The following FTCD variants were observed in gnomAD, a reference collection of about 807,000 sequenced individuals.
The protein encoded by FTCD is formimidoyltransferase cyclodeaminase, also known as formimidoyltransferase-cyclodeaminase.
FTCD carries 76 observed loss-of-function variants against 62.9 expected under a neutral mutation model. That is an observed-to-expected ratio of 1.21 (90% CI 1.00 to 1.46). The LOEUF is 1.46. Among genes scored for constraint, FTCD ranks in the 40% most tolerant of loss-of-function variants. The pLI is 0.00. For missense variants in FTCD, 845 were observed against 751.3 expected, an observed-to-expected ratio of 1.12 and a Z score of -1.46; for synonymous variants, 397 against 336.9, an observed-to-expected ratio of 1.18 and a Z score of -1.95.
Position 46,137,264 on chromosome 21 carries a change from A to G in FTCD, c.1514T>C (p.Ile505Thr), listed in dbSNP as rs747334070. The G allele has an allele frequency of 3.1e-6, 5 of 1,613,462 alleles. No homozygotes were observed. Among genetic ancestry groups the G allele is most frequent in the Non-Finnish European group, 4.2e-6 (5 of 1,179,662 alleles). Residue 505 changes from isoleucine (I) to threonine (T), a missense_variant, in exon 13 of 14, where the codon ATC becomes ACC. Physicochemically the swap from Ile to Thr is moderately conservative, Grantham distance 89 (BLOSUM62 -1). Coordinates refer to ENST00000397746, the MANE Select transcript of FTCD (RefSeq NM_206965.2). ...YFNVLINLRD[I>T]TDEAFKDQIH... ...CTGGTCCTTAAATGCCTCGTCTGTGATGTCCCTCAGGTTGATGAGCACGTT... is the reference window on the plus strand; with the variant it reads ...CTGGTCCTTAAATGCCTCGTCTGTGGTGTCCCTCAGGTTGATGAGCACGTT...
intron 5 of FTCD, 113 bp downstream of exon 5, chr21:46,151,445 A>T (rs1173498180): frequency 1.0e-6 from 1 of 974,500 alleles, no homozygotes; most frequent in African/African-American, 1.8e-5. Flanking sequence ...GGGAGGCCGA[A>T]CCCTGTCCGG....
rs370453422 is a variant in FTCD, at chr21:46,154,245, C to T, written c.142G>A (p.Val48Met). The T allele has an allele frequency of 1.4e-5, 22 of 1,612,788 alleles. No homozygotes were observed. Among genetic ancestry groups the T allele is most frequent in the Admixed American group, 6.7e-5 (4 of 60,020 alleles). ...VDAGPSTNRT[V>M]YTFVGPPECV... ...TCCGGCGGCCCCACGAAGGTGTACACGGTGCGGTTGGTGGAAGGGCCTGCG... is the reference window on the plus strand; with the variant it reads ...TCCGGCGGCCCCACGAAGGTGTACATGGTGCGGTTGGTGGAAGGGCCTGCG... Residue 48 changes from valine to methionine, a missense_variant, in exon 2 of 14, where the codon GTG becomes ATG. Coordinates refer to ENST00000397746, the MANE Select transcript of FTCD (RefSeq NM_206965.2).
intron 2 of FTCD, 22 bp downstream of exon 2, chr21:46,154,127 C>T (rs1262161582): frequency 6.2e-7 from 1 of 1,611,182 alleles, no homozygotes; most frequent in Admixed American, 1.7e-5. Flanking sequence ...ACGGCAGCCA[C>T]AGGAGAGCCC....
At chr21:46,154,938 G>A (rs1274420691) in intron 1 of FTCD, among the ~76,000 whole-genome samples, 1 of 152,264 alleles carries the variant, frequency 6.6e-6, no homozygotes, top group Non-Finnish European at 1.5e-5. Context: ...TCCCGGAGGA[G>A]CCTGGACCTC....
Position 46,150,256 on chromosome 21 carries a change from AAGG to A in FTCD, c.775-9_775-7del. The A allele has an allele frequency of 6.2e-7, 1 of 1,609,462 alleles. No individual in the cohort carries two copies. Among genetic ancestry groups the A allele is most frequent in the East Asian group, 2.2e-5 (1 of 44,796 alleles). On this transcript the variant is annotated splice_polypyrimidine_tract_variant and splice_region_variant and intron_variant, in intron 6 of 13. Coordinates refer to ENST00000397746, the MANE Select transcript of FTCD (RefSeq NM_206965.2). ...ACCACTGGGAGGCTCAGCTCCTGCCAAGGCACAGGCAGCGTCACCCCCTGGGGG... is the reference window on the plus strand; with the variant it reads ...ACCACTGGGAGGCTCAGCTCCTGCCACACAGGCAGCGTCACCCCCTGGGGG...
At chr21:46,147,942 C>CAAA (rs3057182) in intron 7 of FTCD, among the ~76,000 whole-genome samples, 2 of 96,138 alleles carry the variant, frequency 2.1e-5, no homozygotes, top group Non-Finnish European at 4.3e-5. Flanking sequence ...GGCTCCATCT[C>CAAA]AAAAAAAAAA....
rs1298737702 is a variant in FTCD at position 46,139,206 on chromosome 21, G to A, written c.1261-283C>T. Among the ~76,000 whole-genome samples the A allele has an allele frequency of 2.6e-5, 4 of 152,246 alleles. No homozygotes were observed. The East Asian group carries it at 7.7e-4, about 29-fold the overall frequency. ...TTATTCTCAGCTAAAGAGCCTGAGG[G>A]CCCAGGAGGTCCCCTGAGCCCTCAG... On this transcript the variant is annotated intron_variant, in intron 10 of 13. Coordinates refer to ENST00000397746, the MANE Select transcript of FTCD (RefSeq NM_206965.2).
chr21:46,137,579 C>T (rs1278129494), intron 12 of FTCD, among the ~76,000 whole-genome samples: 3 of 150,938 alleles, frequency 2.0e-5, no homozygotes, highest in African/African-American at 7.3e-5. Context: ...ACACTGGAGG[C>T]TCTCCGCCAC....
At chr21:46,152,833 G>A in intron 3 of FTCD, 74 bp downstream of exon 3, 6 of 1,298,324 alleles carry the variant, frequency 4.6e-6, no homozygotes, top group Non-Finnish European at 6.4e-6. Context: ...AGGGAACTGG[G>A]GGATACAGAA....
At position 46,151,944 on chromosome 21, in the gene FTCD, C is replaced by T. The variant is rs552241667; in HGVS notation, c.404G>A (p.Arg135His). 3.2e-5 allele frequency: 51 copies of T among 1,572,624 alleles called. No individual in the cohort carries two copies. Among genetic ancestry groups the T allele is most frequent in the East Asian group, 1.9e-4 (8 of 42,512 alleles). Residue 135 changes from arginine to histidine, a missense_variant, in exon 4 of 14, where the codon CGC (arginine) becomes CAC (histidine). Arg to His is a conservative substitution (Grantham distance 29). Coordinates refer to ENST00000397746, the MANE Select transcript of FTCD (RefSeq NM_206965.2). ...LYGEAARMDS[R>H]RTLPAIRAGE... is the part of the protein sequence containing the mutation. ...GGCCCGGATGGCCGGCAGGGTCCGG[C>T]GACTGTCCATCCTGGCTGCCTCGCC...
At chr21:46,140,040 C>T (rs1245401637) in intron 10 of FTCD, among the ~76,000 whole-genome samples, 2 of 152,206 alleles carry the variant, frequency 1.3e-5, no homozygotes, top group East Asian at 3.8e-4. Context: ...TGGGGAAATA[C>T]AGTTTTCTAT....
intron 10 of FTCD, among the ~76,000 whole-genome samples, chr21:46,144,693 A>C (rs565212803): frequency 7.5e-5 from 1 of 13,276 alleles, no homozygotes; most frequent in African/African-American, 3.8e-4. Flanking sequence ...TCTCTCCGCC[A>C]TCTGCCTCTC....
rs564130649 is a variant in FTCD at position 46,138,816 on chromosome 21, G to T, written c.1304+64C>A. On this transcript the variant is annotated intron_variant, in intron 11 of 13. Coordinates refer to ENST00000397746, the MANE Select transcript of FTCD (RefSeq NM_206965.2). ...GCCCCGTCACAGCACCCAGGTACTC[G>T]GGATCCTGGCCACCAACTCCCCAGA... 1.4e-5 allele frequency: 21 copies of T among 1,488,640 alleles called. No individual in the cohort carries two copies. The South Asian group carries it at 1.9e-4, about 14-fold the overall frequency. The allele number at this position is 1,488,640 out of a possible 1,614,324, so 92.2% of individuals were successfully genotyped here.
Position 46,145,541 on chromosome 21 carries a change from T to C in FTCD, c.1136A>G (p.Tyr379Cys). The C allele has an allele frequency of 1.3e-6, 2 of 1,545,978 alleles. No homozygotes were observed. The highest frequency in any genetic ancestry group is 2.4e-5 in the South Asian group (2 of 83,970). ...ALGSMVGLMT[Y>C]GRRQFQSLDT... is the part of the protein sequence containing the mutation. ...CAGGGACTGGAATTGGCGCCGCCCG[T>C]AGGTCATGAGGCCCACCATGGAGCC... Residue 379 changes from tyrosine to cysteine, a missense_variant, in exon 10 of 14, where the codon TAC (tyrosine) becomes TGC (cysteine). Coordinates refer to ENST00000397746, the MANE Select transcript of FTCD (RefSeq NM_206965.2).
At chr21:46,149,340 G>A (rs1266022335) in intron 7 of FTCD, among the ~76,000 whole-genome samples, 1 of 152,156 alleles carries the variant, frequency 6.6e-6, no homozygotes, top group Non-Finnish European at 1.5e-5. Flanking sequence ...CAGCATCACG[G>A]GGTCCTACAG....
chr21:46,138,989 C>T (rs2078935503), intron 10 of FTCD, 66 bp from the exon 11 acceptor site: 1 of 1,208,820 alleles, frequency 8.3e-7, no homozygotes, highest in African/African-American at 1.5e-5. Flanking sequence ...CCTCTGAGCT[C>T]CCACAAGGGG....
At chr21:46,147,667 G>A (rs779687930) in intron 7 of FTCD, among the ~76,000 whole-genome samples, 7 of 152,094 alleles carry the variant, frequency 4.6e-5, no homozygotes, top group Non-Finnish European at 8.8e-5. Flanking sequence ...AGCCAGTCAC[G>A]GTGGCTCACG....
Position 46,139,129 on chromosome 21 carries a change from C to G in FTCD, c.1261-206G>C, listed in dbSNP as rs527723107. ...GGGTAGGGGGGGTCGGGGCACACAG[C>G]AGATGGTCAGAGACCCGGGGATGTG... is the stretch of plus-strand genomic sequence containing the variant. On this transcript the variant is annotated intron_variant, in intron 10 of 13. Coordinates refer to ENST00000397746, the MANE Select transcript of FTCD (RefSeq NM_206965.2). 9.8e-6 allele frequency: 6 copies of G among 612,908 alleles called. No homozygotes were observed. The Admixed American group carries it at 1.6e-4, about 16-fold the overall frequency. The allele number at this position is 612,908 out of a possible 1,614,324, so 38.0% of individuals were successfully genotyped here.
At chr21:46,147,342 C>A (rs1488973718) in intron 7 of FTCD, among the ~76,000 whole-genome samples, 1 of 152,034 alleles carries the variant, frequency 6.6e-6, no homozygotes, top group Non-Finnish European at 1.5e-5. Context: ...CCTGACAGGG[C>A]TGCAGGCCTC....
Sources: gnomAD v4.1 joint callset for allele counts (sites outside exome capture counted in the v4.1 genomes callset) on GRCh38, gnomAD v4.1.1 for gene constraint, MANE v1.5 for transcripts, NCBI Gene and HGNC (gene_info 2026-07-23, HGNC 2026-07-21) for gene names.